The following ADGRL2 variants were observed in gnomAD, a reference collection of about 807,000 sequenced individuals.
ADGRL2 encodes the protein adhesion G protein-coupled receptor L2.
In ADGRL2, 44 loss-of-function variants were observed where a neutral mutation model predicts 157.4. The observed-to-expected ratio is 0.28, with a 90% CI of 0.22 to 0.36. The LOEUF is 0.36. Among genes scored for constraint, ADGRL2 ranks in the 10% least tolerant of loss-of-function variants. The probability of loss-of-function intolerance (pLI) is 1.00; values close to 1 mark genes in which losing one functional copy is unlikely to be tolerated. For synonymous variants in ADGRL2, 585 were observed against 624.7 expected, an observed-to-expected ratio of 0.94 and a Z score of 0.95; for missense variants, 1,510 against 1,768.9, an observed-to-expected ratio of 0.85 and a Z score of 2.63.
intron 1 of ADGRL2, among the ~76,000 whole-genome samples, chr1:81,330,600 T>C (rs1286846184): frequency 6.6e-6 from 1 of 152,198 alleles, no homozygotes; most frequent in African/African-American, 2.4e-5. Context: ...AATATCTTTA[T>C]AATTCAGCCA....
intron 2 of ADGRL2, among the ~76,000 whole-genome samples, chr1:81,849,644 T>C (rs1433505454): frequency 6.6e-6 from 1 of 151,906 alleles, no homozygotes; most frequent in Admixed American, 6.6e-5. Context: ...AATCTAAGTT[T>C]GATTTTAAAT....
intron 1 of ADGRL2, among the ~76,000 whole-genome samples, chr1:81,348,332 G>C (rs1662628720): frequency 6.6e-6 from 1 of 152,086 alleles, no homozygotes; most frequent in African/African-American, 2.4e-5. Flanking sequence ...GATGTTCCTG[G>C]TGTTTTAAAA....
chr1:81,321,942 C>T (rs555531902), intron 1 of ADGRL2, among the ~76,000 whole-genome samples: 118 of 151,666 alleles, frequency 7.8e-4, no homozygotes, highest in African/African-American at 2.6e-3. Flanking sequence ...GGCATGTGTA[C>T]ATTATTTAGA....
At chr1:81,861,472 AT>A (rs1486599402) in intron 2 of ADGRL2, among the ~76,000 whole-genome samples, 6 of 152,240 alleles carry the variant, frequency 3.9e-5, no homozygotes, top group Non-Finnish European at 8.8e-5. Flanking sequence ...CAGGTTCCAT[AT>A]GTTCCATATG....
chr1:81,811,701 A>G (rs1040964828), intron 1 of ADGRL2, among the ~76,000 whole-genome samples: 3 of 151,834 alleles, frequency 2.0e-5, no homozygotes, highest in Non-Finnish European at 4.4e-5. Context: ...TAGATTTTTC[A>G]TAAATACTCT....
At chr1:81,645,948 A>G (rs756367431) in intron 3 of ADGRL2, among the ~76,000 whole-genome samples, 17 of 152,202 alleles carry the variant, frequency 1.1e-4, no homozygotes, top group Non-Finnish European at 2.2e-4. Flanking sequence ...TCTTCCCATC[A>G]GCAAAGCTTG....
At chr1:81,436,500 C>T (rs372756248) in intron 1 of ADGRL2, among the ~76,000 whole-genome samples, 8 of 152,240 alleles carry the variant, frequency 5.3e-5, no homozygotes, top group African/African-American at 1.7e-4. Context: ...TGTGACTAAG[C>T]GTATAGCCAT....
chr1:81,956,211 C>G lies in ADGRL2; in HGVS notation c.2017+151C>G, dbSNP rs943531121. 6 of 580,258 alleles carry G rather than the reference C, an allele frequency of 1.0e-5. No homozygotes were observed. In the African/African-American group the frequency reaches 1.2e-4, roughly 11 times the overall value. 35.9% of individuals were successfully genotyped at this position (580,258 alleles called of 1,614,324 possible). ...TGTTACCAAGAGAAATTATTGACCACACTTACTAAAATTCATGCAAAAGCC... is the reference window on the plus strand; with the variant it reads ...TGTTACCAAGAGAAATTATTGACCAGACTTACTAAAATTCATGCAAAAGCC... On this transcript the variant is annotated intron_variant, in intron 11 of 23. Coordinates refer to ENST00000686636, the MANE Select transcript of ADGRL2 (RefSeq NM_001366006.2).
intron 1 of ADGRL2, among the ~76,000 whole-genome samples, chr1:81,756,489 T>G (rs1227039046): frequency 6.6e-6 from 1 of 152,172 alleles, no homozygotes; most frequent in Non-Finnish European, 1.5e-5. Flanking sequence ...GTCTTAAGTT[T>G]CATAGACAAG....
intron 1 of ADGRL2, among the ~76,000 whole-genome samples, chr1:81,353,374 A>G (rs1366832741): frequency 6.6e-6 from 1 of 152,148 alleles, no homozygotes; most frequent in Non-Finnish European, 1.5e-5. Flanking sequence ...TGAATTAAGG[A>G]TAGAATGATA....
At chr1:81,800,797 G>C (rs1237051179), upstream of ADGRL2, among the ~76,000 whole-genome samples, 15 of 150,768 alleles carry the variant, frequency 9.9e-5, no homozygotes, top group South Asian at 2.9e-3. Flanking sequence ...GGGGTTAGCG[G>C]TTGAATGGGT....
chr1:81,724,445 C>T (rs1051622459), intron 1 of ADGRL2, among the ~76,000 whole-genome samples: 20 of 152,212 alleles, frequency 1.3e-4, no homozygotes, highest in Non-Finnish European at 2.5e-4. Context: ...TCCAGTTGTT[C>T]ATTGTGGAGT....
intron 2 of ADGRL2, among the ~76,000 whole-genome samples, chr1:81,510,930 T>C (rs1444055598): frequency 6.6e-6 from 1 of 152,180 alleles, no homozygotes; most frequent in African/African-American, 2.4e-5. Context: ...CACAAGAAAG[T>C]AAATGAAGAG....
chr1:81,432,406 C>G (rs953044873), intron 1 of ADGRL2, among the ~76,000 whole-genome samples: 1 of 152,156 alleles, frequency 6.6e-6, no homozygotes, highest in Non-Finnish European at 1.5e-5. Context: ...ATGAGCCACC[C>G]CAGTGCGTAT....
rs114318157 is a variant in ADGRL2, at chr1:81,562,938, C to T, written c.-247-17938C>T. 3.5e-3 allele frequency among the ~76,000 whole-genome samples: 537 copies of T among 152,142 alleles called. 4 individuals are homozygous for T. The highest frequency in any genetic ancestry group is 0.012 in the African/African-American group (516 of 41,526). ...AGCATTTCATTCATTTATTCATTCG[C>T]CCATTCAACAATATGTCTGTATTTC... On this transcript the variant is annotated intron_variant, in intron 2 of 24. Coordinates refer to the ADGRL2 transcript ENST00000370721.
intron 3 of ADGRL2, among the ~76,000 whole-genome samples, chr1:81,669,136 G>C (rs1165821776): frequency 4.6e-5 from 7 of 151,888 alleles, no homozygotes; most frequent in Non-Finnish European, 1.0e-4. Context: ...AATTCCAACA[G>C]ACACAAGTTG....
At chr1:81,780,278 A>C (rs973499046) in intron 2 of ADGRL2, among the ~76,000 whole-genome samples, 32 of 152,250 alleles carry the variant, frequency 2.1e-4, no homozygotes, top group African/African-American at 7.0e-4. Context: ...TGCCCAGAAA[A>C]CCAGAACATT....
At chr1:81,492,427 AAC>A (rs907041172) in intron 2 of ADGRL2, among the ~76,000 whole-genome samples, 2 of 152,200 alleles carry the variant, frequency 1.3e-5, no homozygotes, top group African/African-American at 4.8e-5. Context: ...AATTCAGTTA[AAC>A]ACACAGAACT....
chr1:81,627,062 C>T (rs1319674953), intron 3 of ADGRL2, among the ~76,000 whole-genome samples: 1 of 151,624 alleles, frequency 6.6e-6, no homozygotes, highest in African/African-American at 2.4e-5. Context: ...TTGTAGTACC[C>T]CTAGTAATTT....
Sources: gnomAD v4.1 joint callset for allele counts (sites outside exome capture counted in the v4.1 genomes callset) on GRCh38, gnomAD v4.1.1 for gene constraint, MANE v1.5 for transcripts, NCBI Gene and HGNC (gene_info 2026-07-23, HGNC 2026-07-21) for gene names.